Variants in CPSF4L observed in about 807,000 individuals in gnomAD.
CPSF4L encodes the protein cleavage and polyadenylation specific factor 4 like.
A neutral mutation model predicts 24.0 loss-of-function variants in CPSF4L; 18 were observed. The ratio of observed to expected loss-of-function variants is 0.75; its 90% CI spans 0.52 to 1.11. The LOEUF (loss-of-function observed/expected upper bound fraction) is 1.11. CPSF4L is among the 50% of genes least tolerant of loss of function. The pLI is 0.00. For missense variants in CPSF4L, 211 were observed against 221.8 expected (o/e 0.95, Z 0.31); for synonymous variants, 72 against 77.2 (o/e 0.93, Z 0.35).
downstream of CPSF4L, chr17:73,247,280 C>G (rs756300622): frequency 6.2e-7 from 1 of 1,614,168 alleles, no homozygotes; most frequent in Non-Finnish European, 8.5e-7. Context: ...AGCACAGTAC[C>G]TCCATGCATT....
At chr17:73,260,061 A>G (rs1438476257) in intron 2 of CPSF4L, among the ~76,000 whole-genome samples, 1 of 152,194 alleles carries the variant, frequency 6.6e-6, no homozygotes. Flanking sequence ...CTAGGAAGAC[A>G]GTATTGACCC....
In CPSF4L at chr17:73,252,611, A is replaced by G; in HGVS notation, c.497+19T>C. 6.8e-7 allele frequency: 1 copy of G among 1,476,278 alleles called. No individual in the cohort carries two copies. Among genetic ancestry groups the G allele is most frequent in the Non-Finnish European group, 9.3e-7 (1 of 1,078,178 alleles). 91.4% of individuals were successfully genotyped at this position (1,476,278 alleles called of 1,614,324 possible). ...CCTAGCACTCTGGTGGGAGTTGGTA[A>G]CTGAGGGATCATACTTACTGAGCAA... On this transcript the variant is annotated intron_variant, in intron 5 of 5. Transcript: ENST00000344935.
chr17:73,257,589 C>A, intron 3 of CPSF4L, 92 bp downstream of exon 3: 1 of 1,353,818 alleles, frequency 7.4e-7, no homozygotes. Flanking sequence ...GTCCAGCCTC[C>A]TCTGCGTGCC....
chr17:73,249,277 T>C (rs971078073), intron 5 of CPSF4L, among the ~76,000 whole-genome samples: 2 of 152,176 alleles, frequency 1.3e-5, no homozygotes, highest in African/African-American at 4.8e-5. Context: ...CCAGCCAACA[T>C]CTGGGGCTTG....
chr17:73,245,141 C>T, downstream of CPSF4L: 1 of 1,612,702 alleles, frequency 6.2e-7, no homozygotes, highest in Non-Finnish European at 8.5e-7. Context: ...CTCTCGGATC[C>T]TTACATTTGT....
At chr17:73,263,659 G>C (rs1401115722), upstream of CPSF4L, among the ~76,000 whole-genome samples, 1 of 151,182 alleles carries the variant, frequency 6.6e-6, no homozygotes, top group South Asian at 2.1e-4. Context: ...ACTCTGGGGG[G>C]CCTGCTGGGG....
chr17:73,247,196 A>G (rs770188722), downstream of CPSF4L: 196 of 1,567,342 alleles, frequency 1.3e-4, no homozygotes, highest in Non-Finnish European at 1.6e-4. Flanking sequence ...GACAGAAACC[A>G]TATGCCCTGA....
downstream of CPSF4L, among the ~76,000 whole-genome samples, chr17:73,246,435 T>C (rs745443812): frequency 9.2e-5 from 14 of 152,014 alleles, no homozygotes; most frequent in East Asian, 1.9e-4. Context: ...ACTCAGGAGG[T>C]TGAGGCAGGA....
rs150189811 is a variant in CPSF4L, at chr17:73,259,419, G to A, written c.154+1514C>T. On this transcript the variant is annotated intron_variant, in intron 2 of 5. Transcript: ENST00000344935. ...TATGTTGCCCAGGCTGGTCTTGAGCGATTCTCCAGCCTCTGCCTCTCAAAG... is the reference window on the plus strand; with the variant it reads ...TATGTTGCCCAGGCTGGTCTTGAGCAATTCTCCAGCCTCTGCCTCTCAAAG... Among the ~76,000 whole-genome samples, 329 of 152,196 alleles carry A rather than the reference G, an allele frequency of 2.2e-3. 1 individual carries two copies. The highest frequency in any genetic ancestry group is 7.4e-3 in the African/African-American group (306 of 41,514).
chr17:73,259,416 A>T (rs1244666665), intron 2 of CPSF4L, among the ~76,000 whole-genome samples: 1 of 151,882 alleles, frequency 6.6e-6, no homozygotes, highest in Non-Finnish European at 1.5e-5. Flanking sequence ...GCTGGTCTTG[A>T]GCGATTCTCC....
intron 4 of CPSF4L, among the ~76,000 whole-genome samples, chr17:73,253,551 G>A (rs1296245490): frequency 6.6e-6 from 1 of 152,206 alleles, no homozygotes; most frequent in East Asian, 1.9e-4. Flanking sequence ...GGAAAGGTAG[G>A]ACATGCTTAA....
the CPSF4L span, chr17:73,243,087 T>TTG: frequency 4.3e-6 from 4 of 928,968 alleles, no homozygotes; most frequent in Admixed American, 2.3e-5. Context: ...ATTTTTTTTT[T>TTG]TTTTTTTTTT....
At chr17:73,259,178 T>TA (rs1473071139) in intron 2 of CPSF4L, among the ~76,000 whole-genome samples, 2 of 152,116 alleles carry the variant, frequency 1.3e-5, no homozygotes, top group Non-Finnish European at 2.9e-5. Flanking sequence ...TAGCTGGGAC[T>TA]ACAGGCATGC....
At chr17:73,259,348 CT>C (rs58431014) in intron 2 of CPSF4L, among the ~76,000 whole-genome samples, 2,032 of 68,966 alleles carry the variant, frequency 0.029, 51 homozygotes, top group African/African-American at 0.057. Context: ...TCCATTTTTC[CT>C]TTTTTAAAAA....
the CPSF4L span, among the ~76,000 whole-genome samples, chr17:73,242,506 G>T: frequency 9.0e-6 from 1 of 110,854 alleles, no homozygotes; most frequent in East Asian, 3.2e-4. Context: ...GTTCATTTTG[G>T]AGTTGGACAT....
chr17:73,251,125 G>T lies in CPSF4L; in HGVS notation c.497+1505C>A, dbSNP rs1048484651. 9.2e-6 allele frequency: 14 copies of T among 1,526,980 alleles called. No homozygotes were observed. In the African/African-American group the frequency reaches 1.7e-4, roughly 18 times the overall value. 94.6% of individuals were successfully genotyped at this position (1,526,980 alleles called of 1,614,324 possible). A position where few individuals can be genotyped will look rare whatever the true frequency, so the allele number is the denominator to read the frequency against. ...AGCTACAGCTGAAGTGCAGTCGTGA[G>T]AAAACACCTACTGCAGATAGTCCCT... is the stretch of plus-strand genomic sequence containing the variant. On this transcript the variant is annotated intron_variant, in intron 5 of 5. Transcript: ENST00000344935.
At chr17:73,257,184 T>C (rs1238478433) in intron 3 of CPSF4L, among the ~76,000 whole-genome samples, 1 of 152,142 alleles carries the variant, frequency 6.6e-6, no homozygotes, top group Non-Finnish European at 1.5e-5. Context: ...TTCCAACAAG[T>C]GATGCTAGTT....
chr17:73,259,381 G>T (rs2062036480), intron 2 of CPSF4L, among the ~76,000 whole-genome samples: 1 of 151,744 alleles, frequency 6.6e-6, no homozygotes. Context: ...GTTTTGTAGA[G>T]ATGGGGTCTC....
At chr17:73,258,109 A>G (rs1324164373) in intron 2 of CPSF4L, among the ~76,000 whole-genome samples, 1 of 151,234 alleles carries the variant, frequency 6.6e-6, no homozygotes, top group Non-Finnish European at 1.5e-5. Context: ...TCCTGGGTTC[A>G]CGCCATTCTC....
Sources: gnomAD v4.1 joint callset for allele counts (sites outside exome capture counted in the v4.1 genomes callset) on GRCh38, gnomAD v4.1.1 for gene constraint, MANE v1.5 for transcripts, NCBI Gene and HGNC (gene_info 2026-07-23, HGNC 2026-07-21) for gene names.